Variants in CSMD3 observed in about 807,000 individuals in gnomAD.
The protein encoded by CSMD3 is CUB and sushi domain-containing protein 3.
In CSMD3, 177 loss-of-function variants were observed where a neutral mutation model predicts 435.2. The ratio of observed to expected loss-of-function variants is 0.41; its 90% CI spans 0.36 to 0.46. The LOEUF is 0.46. CSMD3 is among the 20% of genes least tolerant of loss of function. The pLI is 0.34. For missense variants in CSMD3, 4,265 were observed against 4,504.6 expected (o/e 0.95, Z 1.52); for synonymous variants, 1,656 against 1,520.5 (o/e 1.09, Z -2.07).
At chr8:112,982,210 C>T (rs902103326) in intron 6 of CSMD3, among the ~76,000 whole-genome samples, 1 of 151,720 alleles carries the variant, frequency 6.6e-6, no homozygotes, top group African/African-American at 2.4e-5. Context: ...ATATGCAAAT[C>T]CACAAAAACA....
intron 31 of CSMD3, among the ~76,000 whole-genome samples, chr8:112,489,196 T>G (rs1228130611): frequency 1.3e-5 from 2 of 152,066 alleles, no homozygotes; most frequent in Non-Finnish European, 2.9e-5. Flanking sequence ...GGCGGGAGGA[T>G]CACTTGAGGC....
chr8:113,296,392 G>A (rs185498834), intron 2 of CSMD3, among the ~76,000 whole-genome samples: 41 of 151,974 alleles, frequency 2.7e-4, no homozygotes, highest in Middle Eastern at 3.4e-3. Flanking sequence ...GGTGGCACAT[G>A]CCTGTAGTCC....
At chr8:112,720,187 G>A (rs996520937) in intron 13 of CSMD3, among the ~76,000 whole-genome samples, 2 of 152,138 alleles carry the variant, frequency 1.3e-5, no homozygotes, top group Non-Finnish European at 2.9e-5. Context: ...TTTATTTCTT[G>A]CTATTCTTAT....
chr8:112,401,158 G>A (rs372309890), intron 35 of CSMD3, among the ~76,000 whole-genome samples: 3 of 151,962 alleles, frequency 2.0e-5, no homozygotes, highest in Non-Finnish European at 4.4e-5. Context: ...GCAGGAGATC[G>A]CACCACTGCA....
chr8:112,299,068 T>C (rs535855641), intron 53 of CSMD3, among the ~76,000 whole-genome samples: 90 of 152,184 alleles, frequency 5.9e-4, no homozygotes, highest in Admixed American at 9.2e-4. Context: ...ACAGCATAGA[T>C]AAAAGAGAAT....
chr8:113,009,681 A>G lies in CSMD3; in HGVS notation c.1030+9386T>C, dbSNP rs376412358. Among the ~76,000 whole-genome samples the G allele has an allele frequency of 5.3e-5, 8 of 151,984 alleles. No individual in the cohort carries two copies. The East Asian group carries it at 1.5e-3, about 29-fold the overall frequency. On this transcript the variant is annotated intron_variant, in intron 6 of 70. Coordinates refer to ENST00000297405, the MANE Select transcript of CSMD3 (RefSeq NM_198123.2). Reference sequence around the variant, plus strand: ...AGGGAGGGAGGATATTATCCAATGAAATAAGGTTATGTTCTTGTTAGTTTG... The same window carrying G: ...AGGGAGGGAGGATATTATCCAATGAGATAAGGTTATGTTCTTGTTAGTTTG...
At chr8:113,045,831 G>A (rs1248223463) in intron 5 of CSMD3, among the ~76,000 whole-genome samples, 1 of 149,146 alleles carries the variant, frequency 6.7e-6, no homozygotes, top group Admixed American at 6.7e-5. Context: ...AATATTAGAC[G>A]GAAGAGTACA....
At chr8:113,077,572 T>C (rs1331998579) in intron 5 of CSMD3, among the ~76,000 whole-genome samples, 1 of 151,890 alleles carries the variant, frequency 6.6e-6, no homozygotes, top group Non-Finnish European at 1.5e-5. Flanking sequence ...TGTGGTGGCA[T>C]GCACCTGTAA....
chr8:113,226,714 C>T (rs1031457680), intron 3 of CSMD3, among the ~76,000 whole-genome samples: 4 of 151,584 alleles, frequency 2.6e-5, no homozygotes, highest in African/African-American at 7.3e-5. Context: ...AAGCAGTGCA[C>T]GGGACTAGGA....
At chr8:112,768,805 T>C (rs2078042303) in intron 13 of CSMD3, among the ~76,000 whole-genome samples, 1 of 151,940 alleles carries the variant, frequency 6.6e-6, no homozygotes, top group Non-Finnish European at 1.5e-5. Context: ...GGGTAACTCC[T>C]CTTTCACCAA....
At chr8:113,012,355 T>C (rs2086286300) in intron 6 of CSMD3, among the ~76,000 whole-genome samples, 2 of 151,970 alleles carry the variant, frequency 1.3e-5, no homozygotes, top group South Asian at 4.1e-4. Flanking sequence ...CGAAGTTCCA[T>C]CTACAATCTT....
intron 1 of CSMD3, among the ~76,000 whole-genome samples, chr8:113,435,386 C>T (rs1375033833): frequency 6.6e-6 from 1 of 152,126 alleles, no homozygotes; most frequent in African/African-American, 2.4e-5. Flanking sequence ...GGAAAGGTAA[C>T]CTCTCCAGCT....
At chr8:112,592,306 C>G (rs1250604202) in intron 22 of CSMD3, among the ~76,000 whole-genome samples, 1 of 151,976 alleles carries the variant, frequency 6.6e-6, no homozygotes, top group African/African-American at 2.4e-5. Flanking sequence ...TACTTGCATA[C>G]AGTCTTATTT....
chr8:112,986,890 A>T (rs2085274364), intron 6 of CSMD3, among the ~76,000 whole-genome samples: 1 of 152,190 alleles, frequency 6.6e-6, no homozygotes, highest in Admixed American at 6.6e-5. Context: ...AAAAAATTCA[A>T]TGTTCTCAAT....
At chr8:112,286,333 A>T (rs940710048) in intron 58 of CSMD3, among the ~76,000 whole-genome samples, 1 of 152,112 alleles carries the variant, frequency 6.6e-6, no homozygotes, top group Non-Finnish European at 1.5e-5. Flanking sequence ...AAAATAATAT[A>T]TGGAAAATTC....
At chr8:112,697,169 C>A (rs1049891815) in intron 13 of CSMD3, among the ~76,000 whole-genome samples, 4 of 152,104 alleles carry the variant, frequency 2.6e-5, no homozygotes, top group African/African-American at 9.7e-5. Context: ...GACAGTGTGG[C>A]AATTCCTCAA....
intron 12 of CSMD3, among the ~76,000 whole-genome samples, chr8:112,824,877 T>C (rs1275969627): frequency 1.3e-5 from 2 of 152,232 alleles, no homozygotes; most frequent in African/African-American, 4.8e-5. Flanking sequence ...GAAGTTTACC[T>C]GGATAATATC....
intron 32 of CSMD3, among the ~76,000 whole-genome samples, chr8:112,410,714 A>ATGTATATATATATG (rs1554670802): frequency 1.9e-5 from 2 of 106,374 alleles, no homozygotes; most frequent in African/African-American, 3.3e-5. Flanking sequence ...ATATATATAT[A>ATGTATATATATATG]TGTATATATA....
chr8:112,756,428 T>C (rs1274197004), intron 13 of CSMD3, among the ~76,000 whole-genome samples: 4 of 152,184 alleles, frequency 2.6e-5, no homozygotes, highest in Admixed American at 1.3e-4. Context: ...TCAAACAGCA[T>C]AATTTCACTG....
Sources: gnomAD v4.1 joint callset for allele counts (sites outside exome capture counted in the v4.1 genomes callset) on GRCh38, gnomAD v4.1.1 for gene constraint, MANE v1.5 for transcripts, NCBI Gene and HGNC (gene_info 2026-07-23, HGNC 2026-07-21) for gene names.